ZNF341: variants seen among roughly 807,000 people sequenced by gnomAD.
ZNF341 encodes the protein zinc finger protein 341.
Under a neutral mutation model 87.7 loss-of-function variants are expected in ZNF341, and 52 were observed. That is an observed-to-expected ratio of 0.59 (90% CI 0.47 to 0.75). The LOEUF (loss-of-function observed/expected upper bound fraction) is 0.75. Ranked by LOEUF, ZNF341 falls within the 30% of genes least tolerant of loss-of-function variation. ZNF341 has a pLI of 0.00. For missense variants in ZNF341, 977 were observed against 1,145.9 expected, an observed-to-expected ratio of 0.85 and a Z score of 2.13; for synonymous variants, 459 against 472.7, an observed-to-expected ratio of 0.97 and a Z score of 0.38.
chr20:33,789,226 A>G (rs1370426815), intron 13 of ZNF341, among the ~76,000 whole-genome samples: 2 of 152,014 alleles, frequency 1.3e-5, no homozygotes, highest in Non-Finnish European at 1.5e-5. Context: ...CAGATTTAGT[A>G]GAGATGGAGT....
At chr20:33,761,452 C>T (rs1568945058) in intron 7 of ZNF341, among the ~76,000 whole-genome samples, 1 of 152,098 alleles carries the variant, frequency 6.6e-6, no homozygotes, top group African/African-American at 2.4e-5. Flanking sequence ...TTAGTACAGA[C>T]AGAGTTTCAC....
chr20:33,748,979 G>A lies in ZNF341; in HGVS notation c.396G>A (p.Gly132=). ...CACTGATCCAGACCCTGGTGCAGGG[G>A]AACATCTTGGTGAGCGATGATGTGC... The part of the protein sequence containing the change: ...PSPLIQTLVQ[G]NILVSDDVLM... Residue 132 remains glycine, a synonymous_variant, in exon 4 of 15, where the codon GGG becomes GGA. Transcript: ENST00000375200. The A allele has an allele frequency of 6.2e-7, 1 of 1,614,180 alleles. No individual in the cohort carries two copies. Among genetic ancestry groups the A allele is most frequent in the Non-Finnish European group, 8.5e-7 (1 of 1,180,030 alleles).
At chr20:33,786,757 CAA>C (rs1170886221) in intron 12 of ZNF341, among the ~76,000 whole-genome samples, 2 of 151,820 alleles carry the variant, frequency 1.3e-5, no homozygotes, top group East Asian at 3.9e-4. Context: ...GCACCTAGGT[CAA>C]GAGTTTGAGA....
chr20:33,779,499 G>A (rs532834084), intron 10 of ZNF341, among the ~76,000 whole-genome samples: 18 of 145,622 alleles, frequency 1.2e-4, no homozygotes, highest in African/African-American at 4.4e-4. Context: ...CGCCCAGGCT[G>A]GAGTGCAGTA....
rs1163388568 is a variant in ZNF341, at chr20:33,789,021, T to C, written c.1964+47T>C. On this transcript the variant is annotated intron_variant, in intron 13 of 14. Transcript: ENST00000375200. ...GGGGGGTGGGTAGCGGGACAGATTCTCCAGGGGTGCTGCTGGGGAGGGTGG... is the reference window on the plus strand; with the variant it reads ...GGGGGGTGGGTAGCGGGACAGATTCCCCAGGGGTGCTGCTGGGGAGGGTGG... 4 of 1,340,828 alleles carry C rather than the reference T, an allele frequency of 3.0e-6. No homozygotes were observed. In the Admixed American group the frequency reaches 7.0e-5, roughly 23 times the overall value. 83.1% of individuals were successfully genotyped at this position (1,340,828 alleles called of 1,614,324 possible).
intron 11 of ZNF341, 58 bp from the exon 12 acceptor site, chr20:33,783,674 G>T (rs1238215701): frequency 6.2e-7 from 1 of 1,611,528 alleles, no homozygotes; most frequent in Non-Finnish European, 8.5e-7. Flanking sequence ...GAGTTCAGAA[G>T]ATGGCCAGGG....
intron 1 of ZNF341, among the ~76,000 whole-genome samples, chr20:33,734,037 T>C (rs2122619046): frequency 6.6e-6 from 1 of 152,360 alleles, no homozygotes; most frequent in African/African-American, 2.4e-5. Context: ...TTTGAATATT[T>C]ACTGCAAGAA....
chr20:33,733,167 C>T (rs564973226), intron 1 of ZNF341, among the ~76,000 whole-genome samples: 5 of 151,626 alleles, frequency 3.3e-5, no homozygotes, highest in African/African-American at 9.7e-5. Flanking sequence ...GTGCCTCCGC[C>T]TCCTGAGTAG....
At chr20:33,786,981 A>G (rs1476453284) in intron 12 of ZNF341, 2 of 151,818 alleles carry the variant, frequency 1.3e-5, no homozygotes, top group Admixed American at 1.3e-4. Flanking sequence ...AAAAAAAAAA[A>G]AAATACAAAA....
intron 10 of ZNF341, among the ~76,000 whole-genome samples, chr20:33,776,945 C>CCTT (rs1263457127): frequency 6.6e-6 from 1 of 152,022 alleles, no homozygotes; most frequent in African/African-American, 2.4e-5. Context: ...CAGGCGTAAG[C>CCTT]CATCACACCT....
At chr20:33,789,025 G>A in intron 13 of ZNF341, 51 bp downstream of exon 13, 1 of 1,469,440 alleles carries the variant, frequency 6.8e-7, no homozygotes, top group Non-Finnish European at 9.5e-7. Flanking sequence ...AGATTCTCCA[G>A]GGGTGCTGCT....
At chr20:33,785,491 C>G (rs539603721) in intron 12 of ZNF341, among the ~76,000 whole-genome samples, 1 of 152,208 alleles carries the variant, frequency 6.6e-6, no homozygotes, top group East Asian at 1.9e-4. Context: ...GCGCCCACCA[C>G]ATGCCTGGCT....
intron 8 of ZNF341, among the ~76,000 whole-genome samples, chr20:33,762,621 C>T (rs2019319085): frequency 6.6e-6 from 1 of 151,810 alleles, no homozygotes; most frequent in African/African-American, 2.4e-5. Flanking sequence ...GCACGTATCA[C>T]CCCATCATCT....
intron 8 of ZNF341, among the ~76,000 whole-genome samples, chr20:33,765,935 T>C (rs548930474): frequency 6.6e-6 from 1 of 152,156 alleles, no homozygotes; most frequent in South Asian, 2.1e-4. Context: ...CAGGCTGGAG[T>C]GCAATGGCGC....
At chr20:33,768,604 GT>G (rs2019460085) in intron 9 of ZNF341, among the ~76,000 whole-genome samples, 1 of 151,806 alleles carries the variant, frequency 6.6e-6, no homozygotes, top group South Asian at 2.1e-4. Context: ...TGTGCTTTTA[GT>G]AGAGATGGGG....
intron 2 of ZNF341, among the ~76,000 whole-genome samples, chr20:33,741,273 A>G (rs2018796057): frequency 1.3e-5 from 2 of 152,332 alleles, no homozygotes; most frequent in South Asian, 4.1e-4. Flanking sequence ...AAGGGCCCCA[A>G]TGCCTGACAA....
chr20:33,748,142 G>A (rs996043664), intron 3 of ZNF341, among the ~76,000 whole-genome samples: 6 of 151,918 alleles, frequency 3.9e-5, no homozygotes, highest in African/African-American at 1.5e-4. Flanking sequence ...CACGATCTCA[G>A]CTCACTGCAA....
intron 10 of ZNF341, among the ~76,000 whole-genome samples, chr20:33,770,667 G>T (rs1049648804): frequency 1.3e-5 from 2 of 152,118 alleles, no homozygotes; most frequent in Admixed American, 1.3e-4. Flanking sequence ...AGTCAAAGCG[G>T]TACACCGGTT....
intron 3 of ZNF341, among the ~76,000 whole-genome samples, chr20:33,745,788 C>T (rs2018905088): frequency 6.6e-6 from 1 of 151,762 alleles, no homozygotes; most frequent in Non-Finnish European, 1.5e-5. Flanking sequence ...TCAGCAGATG[C>T]AGAGGCCTTG....
Sources: gnomAD v4.1 joint callset for allele counts (sites outside exome capture counted in the v4.1 genomes callset) on GRCh38, gnomAD v4.1.1 for gene constraint, MANE v1.5 for transcripts, NCBI Gene and HGNC (gene_info 2026-07-23, HGNC 2026-07-21) for gene names.